The following ABCC1 variants were observed in gnomAD, a reference collection of about 807,000 sequenced individuals.
ABCC1 encodes the protein ATP binding cassette subfamily C member 1 (ABCC1 blood group), also known as multidrug resistance-associated protein 1.
A neutral mutation model predicts 172.9 loss-of-function variants in ABCC1; 83 were observed. That is an observed-to-expected ratio of 0.48 (90% CI 0.40 to 0.58). The LOEUF (loss-of-function observed/expected upper bound fraction) is 0.58, where lower values mean the gene tolerates loss of function less well. ABCC1 is among the 20% of genes least tolerant of loss of function. The probability of loss-of-function intolerance (pLI) is 0.00; values close to 1 mark genes in which losing one functional copy is unlikely to be tolerated. For synonymous variants in ABCC1, 937 were observed against 825.2 expected, an observed-to-expected ratio of 1.14 and a Z score of -2.32; for missense variants, 1,817 against 2,002.7, an observed-to-expected ratio of 0.91 and a Z score of 1.77.
At chr16:16,065,710 G>C (rs1383130625) in intron 12 of ABCC1, among the ~76,000 whole-genome samples, 1 of 152,130 alleles carries the variant, frequency 6.6e-6, no homozygotes, top group African/African-American at 2.4e-5. Context: ...TGGGATTACA[G>C]GCATGAGCCA....
At chr16:16,103,013 G>T (rs1018408325) in intron 20 of ABCC1, among the ~76,000 whole-genome samples, 3 of 152,142 alleles carry the variant, frequency 2.0e-5, no homozygotes, top group Non-Finnish European at 2.9e-5. Context: ...GTCTCTTGGC[G>T]GGGCCTGGAA....
At chr16:16,122,748 G>A (rs1363826356) in intron 24 of ABCC1, among the ~76,000 whole-genome samples, 1 of 151,330 alleles carries the variant, frequency 6.6e-6, no homozygotes, top group Non-Finnish European at 1.5e-5. Context: ...GCCCATCATG[G>A]TGGTGTGTGC....
intron 1 of ABCC1, among the ~76,000 whole-genome samples, chr16:15,951,420 A>G (rs566246232): frequency 4.0e-5 from 6 of 151,248 alleles, no homozygotes; most frequent in Admixed American, 4.0e-4. Context: ...TTTTCTTTTT[A>G]TTTTTTCCTT....
At chr16:16,037,049 C>G (rs900388227) in intron 7 of ABCC1, among the ~76,000 whole-genome samples, 2 of 151,700 alleles carry the variant, frequency 1.3e-5, no homozygotes, top group Non-Finnish European at 2.9e-5. Flanking sequence ...TTGCAGTGAG[C>G]TGAGATTGTG....
chr16:15,992,513 C>T (rs947031654), intron 1 of ABCC1, among the ~76,000 whole-genome samples: 11 of 152,182 alleles, frequency 7.2e-5, no homozygotes, highest in African/African-American at 2.7e-4. Flanking sequence ...GATTCTCCTG[C>T]CTCAGCCTCC....
chr16:16,071,782 AC>A, intron 14 of ABCC1, 53 bp downstream of exon 14: 1 of 1,482,322 alleles, frequency 6.7e-7, no homozygotes, highest in Non-Finnish European at 9.3e-7. Flanking sequence ...CCCATCTCCC[AC>A]TGGGTCCTCC....
At chr16:16,071,160 T>G (rs2050332089) in intron 13 of ABCC1, among the ~76,000 whole-genome samples, 1 of 152,180 alleles carries the variant, frequency 6.6e-6, no homozygotes, top group African/African-American at 2.4e-5. Context: ...CTTGGCTCAC[T>G]GCGACCTCTG....
chr16:16,079,902 C>T (rs1469885564), intron 16 of ABCC1, among the ~76,000 whole-genome samples: 1 of 151,714 alleles, frequency 6.6e-6, no homozygotes, highest in Non-Finnish European at 1.5e-5. Flanking sequence ...CAGCCTCTGC[C>T]TCCTGGGTCC....
chr16:16,092,978 A>G (rs1434756545), intron 19 of ABCC1, among the ~76,000 whole-genome samples: 1 of 152,210 alleles, frequency 6.6e-6, no homozygotes, highest in Non-Finnish European at 1.5e-5. Flanking sequence ...GTGACAGAGC[A>G]AGACCATGTC....
chr16:16,121,886 A>G, intron 23 of ABCC1, 89 bp from the exon 24 acceptor site: 1 of 1,420,056 alleles, frequency 7.0e-7, no homozygotes, highest in East Asian at 2.4e-5. Flanking sequence ...GGTATCGGTT[A>G]CGTCTAGATG....
chr16:16,069,618 T>C (rs749298177), intron 13 of ABCC1, among the ~76,000 whole-genome samples: 4 of 151,976 alleles, frequency 2.6e-5, no homozygotes, highest in Non-Finnish European at 5.9e-5. Context: ...AGTACAAGGC[T>C]GATAGCAGGC....
At chr16:16,139,631 AAAAG>A (rs1208310376) in intron 30 of ABCC1, among the ~76,000 whole-genome samples, 3 of 151,640 alleles carry the variant, frequency 2.0e-5, no homozygotes, top group African/African-American at 4.8e-5. Context: ...AAAAAAAAAA[AAAAG>A]AATATAATCC....
At chr16:15,972,027 C>T (rs958330557) in intron 1 of ABCC1, among the ~76,000 whole-genome samples, 2 of 152,154 alleles carry the variant, frequency 1.3e-5, no homozygotes, top group African/African-American at 4.8e-5. Context: ...TGAGGTCACT[C>T]TGTGTTGTGT....
intron 1 of ABCC1, among the ~76,000 whole-genome samples, chr16:16,006,849 G>T (rs1479863347): frequency 6.7e-6 from 1 of 148,938 alleles, no homozygotes; most frequent in African/African-American, 2.5e-5. Flanking sequence ...ATCCGTGGTG[G>T]TGGCGGTGGC....
At chr16:16,014,467 C>G (rs1597118934) in intron 3 of ABCC1, 24 bp from the exon 4 acceptor site, 1 of 1,610,982 alleles carries the variant, frequency 6.2e-7, no homozygotes, top group African/African-American at 1.3e-5. Flanking sequence ...CCCAACAACT[C>G]CTGTCTTGTG....
intron 1 of ABCC1, among the ~76,000 whole-genome samples, chr16:16,002,175 G>C (rs938533558): frequency 1.3e-5 from 2 of 152,238 alleles, no homozygotes; most frequent in Non-Finnish European, 2.9e-5. Context: ...CCGTAACAAA[G>C]AGTGAGGAAA....
At chr16:16,124,400 T>TGTGTGTGTGG (rs1555502648) in intron 24 of ABCC1, among the ~76,000 whole-genome samples, 38 of 130,502 alleles carry the variant, frequency 2.9e-4, no homozygotes, top group South Asian at 1.3e-3. Context: ...TGTGTGTGTG[T>TGTGTGTGTGG]GTGTGTGTGT....
At chr16:16,084,941 T>C (rs1015121736) in intron 17 of ABCC1, among the ~76,000 whole-genome samples, 11 of 152,144 alleles carry the variant, frequency 7.2e-5, no homozygotes, top group South Asian at 4.1e-4. Context: ...GTATTTTCTG[T>C]ATGTTGGGAA....
At chr16:16,015,473 G>A (rs2047961193) in intron 4 of ABCC1, among the ~76,000 whole-genome samples, 1 of 152,196 alleles carries the variant, frequency 6.6e-6, no homozygotes, top group Non-Finnish European at 1.5e-5. Flanking sequence ...TGCTGTTCCT[G>A]CCATCTTGGA....
Sources: allele counts gnomAD v4.1 joint callset (sites outside exome capture counted in the v4.1 genomes callset), GRCh38; gene constraint gnomAD v4.1.1; transcripts MANE v1.5; gene names NCBI Gene and HGNC (gene_info 2026-07-23, HGNC 2026-07-21).